DAZL: variants seen among roughly 807,000 people sequenced by gnomAD.
DAZL encodes the protein deleted in azoospermia like.
DAZL carries 4 observed loss-of-function variants against 45.0 expected under a neutral mutation model. The ratio of observed to expected loss-of-function variants is 0.09; its 90% confidence interval spans 0.04 to 0.20. DAZL has a LOEUF of 0.20. DAZL is among the 10% of genes least tolerant of loss of function. The probability of loss-of-function intolerance (pLI) is 1.00; values close to 1 mark genes in which losing one functional copy is unlikely to be tolerated. For synonymous variants in DAZL, 122 were observed against 112.4 expected, an observed-to-expected ratio of 1.09 and a Z score of -0.54; for missense variants, 326 against 351.3, an observed-to-expected ratio of 0.93 and a Z score of 0.58.
At chr3:16,588,792 T>G (rs1694476129) in intron 10 of DAZL, 79 bp from the exon 11 acceptor site, 1 of 1,139,806 alleles carries the variant, frequency 8.8e-7, no homozygotes, top group African/African-American at 1.5e-5. Flanking sequence ...TGTCAAAAAC[T>G]TAAACCATTT....
rs1694464531 is a variant in DAZL, at chr3:16,588,085, C to T, written c.*575G>A. The T allele has an allele frequency of 6.4e-6, 1 of 156,888 alleles. No individual in the cohort carries two copies. The highest frequency in any genetic ancestry group is 1.4e-5 in the Non-Finnish European group (1 of 71,396). The allele number at this position is 156,888 out of a possible 1,614,324, so 9.7% of individuals were successfully genotyped here. The stretch of plus-strand genomic sequence containing the variant: ...TAAAATATTTTGAATAAACATATGA[C>T]CCACTGATTGGACTGTTCGCTTTGA... On this transcript the variant is annotated 3_prime_UTR_variant, in exon 11 of 11. Transcript: ENST00000399444.
At position 16,588,650 on chromosome 3, in the gene DAZL, G is replaced by A. The variant is rs1694473936; in HGVS notation, c.*10C>T. 1 of 1,603,438 alleles carries A rather than the reference G, an allele frequency of 6.2e-7. No homozygotes were observed. On this transcript the variant is annotated 3_prime_UTR_variant, in exon 11 of 11. Transcript: ENST00000399444. ...AGCAACTTCCCATGTAACTAGATAA[G>A]CCAGGAGGATCAAACAGATTTAAGC...
intron 1 of DAZL, among the ~76,000 whole-genome samples, chr3:16,601,918 T>C (rs1275507309): frequency 6.6e-6 from 1 of 152,210 alleles, no homozygotes; most frequent in African/African-American, 2.4e-5. Flanking sequence ...CACAGTATTA[T>C]CTAATTCAAT....
Position 16,592,103 on chromosome 3 carries a change from T to A in DAZL, c.781A>T (p.Asn261Tyr). Residue 261 changes from asparagine to tyrosine, a missense_variant, in exon 10 of 11, where the codon AAT becomes TAT. Asn to Tyr is a moderately radical substitution (Grantham distance 143). Around this residue, in one of 3 missense-constraint regions of DAZL, gnomAD observed 227 missense variants for 216.6 expected, o/e 1.05. Coordinates refer to ENST00000399444, the MANE Select transcript of DAZL (RefSeq NM_001351.4). Reference sequence around the variant, plus strand: ...GAGTTTCTCAGTCTGTTCTCTGGATTAAACAGACAAGATACCACCGTTTGT... The same window carrying A: ...GAGTTTCTCAGTCTGTTCTCTGGATAAAACAGACAAGATACCACCGTTTGT... ...SIQTVVSCLF[N>Y]PENRLRNSVV... 6.2e-7 allele frequency: 1 copy of A among 1,613,864 alleles called. No individual in the cohort carries two copies. Among genetic ancestry groups the A allele is most frequent in the Non-Finnish European group, 8.5e-7 (1 of 1,179,884 alleles).
Position 16,597,006 on chromosome 3 carries a change from T to C in DAZL, c.340A>G (p.Ile114Val), listed in dbSNP as rs1268367911. The change falls in exon 5 of 11, where the codon ATC becomes GTC. Residue 114 changes from isoleucine to valine, a missense_variant. This residue lies in a region of DAZL where 18 missense variants were observed against 45.0 expected (regional missense o/e 0.40). Coordinates refer to ENST00000399444, the MANE Select transcript of DAZL (RefSeq NM_001351.4). ...HGKKLKLGPA[I>V]RKQNLCAYHV... is the part of the protein sequence containing the mutation. Reference sequence around the variant, plus strand: ...TACTCACATAAATTTTGTTTCCTGATTGCAGGGCCCAGCTTCAGCTTTTTA... The same window carrying C: ...TACTCACATAAATTTTGTTTCCTGACTGCAGGGCCCAGCTTCAGCTTTTTA... The C allele has an allele frequency of 1.9e-6, 3 of 1,612,416 alleles. No individual in the cohort carries two copies. The highest frequency in any genetic ancestry group is 2.2e-5 in the East Asian group (1 of 44,852).
chr3:16,588,581 A>C lies in DAZL; in HGVS notation c.*79T>G. On this transcript the variant is annotated 3_prime_UTR_variant, in exon 11 of 11. Transcript: ENST00000399444. ...TTGAGTGTGATTTACCAAAATTCAG[A>C]ATTTCTATAATAGTGGAAACCTTTT... 1 of 1,156,464 alleles carries C rather than the reference A, an allele frequency of 8.6e-7. No individual in the cohort carries two copies. The highest frequency in any genetic ancestry group is 2.4e-5 in the East Asian group (1 of 42,356). The allele number at this position is 1,156,464 out of a possible 1,614,324, so 71.6% of individuals were successfully genotyped here.
intron 9 of DAZL, among the ~76,000 whole-genome samples, chr3:16,593,176 T>G (rs897842883): frequency 2.6e-5 from 4 of 152,224 alleles, no homozygotes; most frequent in African/African-American, 9.6e-5. Context: ...TCCCATAACA[T>G]TCTGCCAAAT....
chr3:16,592,681 C>T (rs1010820189), intron 9 of DAZL, among the ~76,000 whole-genome samples: 3 of 152,040 alleles, frequency 2.0e-5, no homozygotes, highest in African/African-American at 4.8e-5. Context: ...TGATAGAATA[C>T]TGGTTTAAAA....
chr3:16,591,737 A>T (rs1694521843), intron 10 of DAZL, among the ~76,000 whole-genome samples: 1 of 152,118 alleles, frequency 6.6e-6, no homozygotes, highest in African/African-American at 2.4e-5. Context: ...CCCAGCCAAG[A>T]TCTGCTTTCT....
At chr3:16,597,731 TAA>T (rs1387728532) in intron 3 of DAZL, among the ~76,000 whole-genome samples, 190 bp from the exon 4 acceptor site, 1 of 152,206 alleles carries the variant, frequency 6.6e-6, no homozygotes, top group Non-Finnish European at 1.5e-5. Flanking sequence ...CAAAATGTGC[TAA>T]GATTAGGGTA....
At position 16,593,884 on chromosome 3, in the gene DAZL, T is replaced by C. The variant is rs997446660; in HGVS notation, c.622-116A>G. On this transcript the variant is annotated intron_variant, in intron 8 of 10. Transcript: ENST00000399444. ...AGTTTCAATGTAGGTTGTGTTGAAA[T>C]TCAATTATATTATTTCAAAAACTTT... The C allele has an allele frequency of 6.8e-5, 44 of 642,470 alleles. No individual in the cohort carries two copies. The Admixed American group carries it at 8.7e-4, about 13-fold the overall frequency. 39.8% of individuals were successfully genotyped at this position (642,470 alleles called of 1,614,324 possible).
chr3:16,591,869 G>C (rs75019704), intron 10 of DAZL, among the ~76,000 whole-genome samples, 181 bp downstream of exon 10: 4,441 of 152,256 alleles, frequency 0.029, 96 homozygotes, highest in Middle Eastern at 0.082. Flanking sequence ...ATTATGTCAA[G>C]GTTCAGCAGC....
chr3:16,594,861 T>C (rs778742426), intron 7 of DAZL, among the ~76,000 whole-genome samples: 4 of 152,104 alleles, frequency 2.6e-5, no homozygotes, highest in Non-Finnish European at 5.9e-5. Context: ...GATATGATTA[T>C]GGGTCACAGA....
At chr3:16,597,963 C>T (rs1694625601) in intron 3 of DAZL, 124 bp downstream of exon 3, 1 of 1,053,964 alleles carries the variant, frequency 9.5e-7, no homozygotes, top group Non-Finnish European at 1.4e-6. Context: ...AAACTTTTAT[C>T]CTCTACATGA....
intron 1 of DAZL, among the ~76,000 whole-genome samples, chr3:16,602,219 G>A (rs1161744848): frequency 6.6e-6 from 1 of 151,916 alleles, no homozygotes; most frequent in Admixed American, 6.6e-5. Flanking sequence ...CTGAGAAATG[G>A]GTTATGACCA....
At chr3:16,594,898 C>CA (rs1694574795) in intron 7 of DAZL, among the ~76,000 whole-genome samples, 1 of 152,012 alleles carries the variant, frequency 6.6e-6, no homozygotes, top group African/African-American at 2.4e-5. Flanking sequence ...TAAAGAGTCT[C>CA]AAAGAACTAC....
rs774905106 is a variant in DAZL, at chr3:16,592,039, T to C, written c.834+11A>G. 5 of 1,609,958 alleles carry C rather than the reference T, an allele frequency of 3.1e-6. No individual in the cohort carries two copies. Among genetic ancestry groups the C allele is most frequent in the Middle Eastern group, 1.7e-4 (1 of 6,052 alleles). On this transcript the variant is annotated intron_variant, in intron 10 of 10. Transcript: ENST00000399444. ...GTGCTTTTTAATTGTGCGTAACTGTTATATTCATACCTTGAAGTAGTCATC... is the reference window on the plus strand; with the variant it reads ...GTGCTTTTTAATTGTGCGTAACTGTCATATTCATACCTTGAAGTAGTCATC...
intron 1 of DAZL, among the ~76,000 whole-genome samples, chr3:16,602,708 A>T (rs980620976): frequency 2.0e-5 from 3 of 152,198 alleles, no homozygotes; most frequent in East Asian, 1.9e-4. Flanking sequence ...ACCACTGAAA[A>T]AGCATTTGAC....
Position 16,598,531 on chromosome 3 carries a change from G to A in DAZL, c.71C>T (p.Ala24Val), listed in dbSNP as rs1218406621. 3.7e-6 allele frequency: 6 copies of A among 1,606,024 alleles called. No homozygotes were observed. The highest frequency in any genetic ancestry group is 2.2e-5 in the East Asian group (1 of 44,826). ...SREASTQSSS[A>V]ATSQGYILPE... ...TAAAATATAGCCTTGGCTGGTTGCA[G>A]CTGATGAGGACTGGGTGCTGGCCTC... Residue 24 changes from alanine (A) to valine (V), a missense_variant, in exon 2 of 11, where the codon GCT becomes GTT. Physicochemically the swap from Ala to Val is moderately conservative, Grantham distance 64. This residue lies in a region of DAZL where 81 missense variants were observed against 89.6 expected (regional missense o/e 0.90). Coordinates refer to ENST00000399444, the MANE Select transcript of DAZL (RefSeq NM_001351.4).
Sources: gnomAD v4.1 joint callset for allele counts (sites outside exome capture counted in the v4.1 genomes callset) on GRCh38, gnomAD v4.1.1 for gene constraint, gnomAD v4.1.1 regional missense constraint, MANE v1.5 for transcripts, NCBI Gene and HGNC (gene_info 2026-07-23, HGNC 2026-07-21) for gene names.